Variants in SOX5 observed in about 807,000 individuals in gnomAD.
SOX5 encodes the protein SRY-box transcription factor 5.
A neutral mutation model predicts 92.0 loss-of-function variants in SOX5; 9 were observed. That is an observed-to-expected ratio of 0.10 (90% CI 0.06 to 0.17). The LOEUF (loss-of-function observed/expected upper bound fraction) is 0.17. SOX5 is among the 10% of genes least tolerant of loss of function. The probability of loss-of-function intolerance (pLI) is 1.00; values close to 1 mark genes in which losing one functional copy is unlikely to be tolerated. For synonymous variants in SOX5, 344 were observed against 336.3 expected, an observed-to-expected ratio of 1.02 and a Z score of -0.25; for missense variants, 642 against 944.5, an observed-to-expected ratio of 0.68 and a Z score of 4.20.
chr12:24,350,078 A>G (rs368032829), intron 2 of SOX5, among the ~76,000 whole-genome samples: 7 of 152,232 alleles, frequency 4.6e-5, no homozygotes, highest in African/African-American at 1.7e-4. Context: ...GATGGAACAG[A>G]TTCTTTCTGA....
intron 8 of SOX5, among the ~76,000 whole-genome samples, chr12:23,629,939 CTGTT>C (rs1194988817): frequency 6.6e-6 from 1 of 151,830 alleles, no homozygotes; most frequent in Non-Finnish European, 1.5e-5. Flanking sequence ...TGAAATAAAA[CTGTT>C]TGGTCAAATA....
chr12:23,701,117 A>T (rs1197173577), intron 6 of SOX5, among the ~76,000 whole-genome samples: 2 of 152,022 alleles, frequency 1.3e-5, no homozygotes, highest in Non-Finnish European at 2.9e-5. Flanking sequence ...TACCTCAGGA[A>T]ATTTGAGTTG....
At chr12:24,447,098 A>C (rs1941592597) in intron 1 of SOX5, among the ~76,000 whole-genome samples, 1 of 152,214 alleles carries the variant, frequency 6.6e-6, no homozygotes, top group Non-Finnish European at 1.5e-5. Flanking sequence ...ATTCTTGTAA[A>C]TACTCCCCAG....
chr12:23,555,618 G>T (rs1945024913), intron 11 of SOX5, among the ~76,000 whole-genome samples: 1 of 152,134 alleles, frequency 6.6e-6, no homozygotes. Flanking sequence ...TATACTAAGA[G>T]AAAGAAAAAG....
chr12:23,909,095 C>G (rs1356124084), intron 1 of SOX5, among the ~76,000 whole-genome samples: 6 of 152,102 alleles, frequency 3.9e-5, no homozygotes, highest in Non-Finnish European at 8.8e-5. Flanking sequence ...TCATCAAACT[C>G]CAGCAATGGT....
intron 4 of SOX5, among the ~76,000 whole-genome samples, chr12:23,990,989 T>G (rs1213925783): frequency 6.6e-6 from 1 of 152,012 alleles, no homozygotes; most frequent in Non-Finnish European, 1.5e-5. Context: ...GGTGAAGATC[T>G]ATTTGGAAGA....
At chr12:24,105,624 A>G (rs1946586896) in intron 4 of SOX5, among the ~76,000 whole-genome samples, 1 of 152,156 alleles carries the variant, frequency 6.6e-6, no homozygotes, top group Admixed American at 6.5e-5. Context: ...AAATCTATAA[A>G]CCAGTAACTA....
intron 2 of SOX5, among the ~76,000 whole-genome samples, chr12:23,853,544 T>G (rs556471613): frequency 2.3e-3 from 192 of 81,934 alleles, no homozygotes; most frequent in African/African-American, 7.4e-3. Context: ...GTCTAACGTG[T>G]TTTTTTTTTT....
At chr12:23,722,629 T>C (rs1020967925) in intron 6 of SOX5, among the ~76,000 whole-genome samples, 10 of 152,252 alleles carry the variant, frequency 6.6e-5, no homozygotes, top group African/African-American at 2.4e-4. Context: ...GCTTGCGAAA[T>C]GATTTTTGTC....
At chr12:23,686,729 T>C (rs1217361564) in intron 6 of SOX5, among the ~76,000 whole-genome samples, 1 of 152,092 alleles carries the variant, frequency 6.6e-6, no homozygotes, top group African/African-American at 2.4e-5. Flanking sequence ...TCTTTTTCCT[T>C]TTTTGGAAAT....
chr12:24,190,662 C>A (rs1426587515), intron 4 of SOX5, among the ~76,000 whole-genome samples: 1 of 152,110 alleles, frequency 6.6e-6, no homozygotes, highest in Non-Finnish European at 1.5e-5. Flanking sequence ...GCAAAAGACT[C>A]TTAGATAAGC....
At chr12:24,188,222 C>A (rs1956199613) in intron 4 of SOX5, among the ~76,000 whole-genome samples, 1 of 152,060 alleles carries the variant, frequency 6.6e-6, no homozygotes, top group African/African-American at 2.4e-5. Flanking sequence ...AGGCAAAGAG[C>A]CAGAGTTAGG....
chr12:23,943,018 T>C lies in SOX5; in HGVS notation c.38+6546A>G, dbSNP rs890650777. Among the ~76,000 whole-genome samples, 33 of 152,104 alleles carry C rather than the reference T, an allele frequency of 2.2e-4. 1 individual carries two copies. Among genetic ancestry groups the C allele is most frequent in the Admixed American group, 2.0e-3 (30 of 15,246 alleles). On this transcript the variant is annotated intron_variant, in intron 1 of 14. Transcript: ENST00000451604. ...TATAGTGTTCCTCTTACCTACACTA[T>C]GTGTTGGCACTGGCAGGTAGCCCTA...
rs1453072444 is a variant in SOX5, at chr12:24,470,443, GA to G, written c.-251+91885del. Among the ~76,000 whole-genome samples the G allele has an allele frequency of 7.3e-5, 11 of 151,376 alleles. No individual in the cohort carries two copies. The South Asian group carries it at 2.3e-3, about 32-fold the overall frequency. ...CAACGGTGAGGACAGATTAAGGCAG[GA>G]ACCTTCCAAGATAAGTGATAAAGAT... is the stretch of plus-strand genomic sequence containing the variant. On this transcript the variant is annotated intron_variant, in intron 1 of 4. Transcript: ENST00000446891.
intron 4 of SOX5, among the ~76,000 whole-genome samples, chr12:24,118,363 CA>C (rs553721832): frequency 1.6e-3 from 238 of 151,972 alleles, no homozygotes; most frequent in Middle Eastern, 6.8e-3. Context: ...CATTGTACCC[CA>C]TAAGTATACA....
intron 4 of SOX5, among the ~76,000 whole-genome samples, chr12:24,042,970 G>T (rs1410067564): frequency 1.3e-5 from 2 of 152,152 alleles, no homozygotes; most frequent in African/African-American, 4.8e-5. Flanking sequence ...ACCAAAGTTT[G>T]TTACATTCTG....
upstream of SOX5, among the ~76,000 whole-genome samples, chr12:23,951,458 G>T (rs576737720): frequency 6.6e-6 from 1 of 151,952 alleles, no homozygotes; most frequent in South Asian, 2.1e-4. Context: ...TTTTTCTGGA[G>T]ACAGGCAAAC....
At chr12:24,190,998 C>A (rs1439604062) in intron 4 of SOX5, among the ~76,000 whole-genome samples, 1 of 152,094 alleles carries the variant, frequency 6.6e-6, no homozygotes, top group Non-Finnish European at 1.5e-5. Context: ...ACATGAATTT[C>A]TTCTTCTTTT....
intron 6 of SOX5, among the ~76,000 whole-genome samples, chr12:23,707,334 G>GAGTACTTCTAAATCAAAGC (rs2091515363): frequency 6.6e-6 from 1 of 152,130 alleles, no homozygotes; most frequent in East Asian, 1.9e-4. Flanking sequence ...GGATTTTTAA[G>GAGTACTTCTAAATCAAAGC]AGTACTTCTA....
Sources: allele counts gnomAD v4.1 joint callset (sites outside exome capture counted in the v4.1 genomes callset), GRCh38; gene constraint gnomAD v4.1.1; transcripts MANE v1.5; gene names NCBI Gene and HGNC (gene_info 2026-07-23, HGNC 2026-07-21).